SWAP70: variants seen among roughly 807,000 people sequenced by gnomAD.
SWAP70 encodes switch-associated protein 70.
In SWAP70, 34 loss-of-function variants were observed where a neutral mutation model predicts 80.2. The ratio of observed to expected loss-of-function variants is 0.42; its 90% CI spans 0.32 to 0.56. SWAP70 has a LOEUF of 0.56. Among genes scored for constraint, SWAP70 ranks in the 20% least tolerant of loss-of-function variants. The pLI, the probability that SWAP70 is intolerant of heterozygous loss-of-function variation, is 0.09. For missense variants in SWAP70, 578 were observed against 690.7 expected, an observed-to-expected ratio of 0.84 and a Z score of 1.83; for synonymous variants, 239 against 238.5, an observed-to-expected ratio of 1.00 and a Z score of -0.02.
chr11:9,674,692 C>T (rs565450706), intron 1 of SWAP70, among the ~76,000 whole-genome samples: 4 of 151,972 alleles, frequency 2.6e-5, no homozygotes, highest in African/African-American at 9.7e-5. Flanking sequence ...AGGCTGGGTG[C>T]GGTGGCTCAT....
At chr11:9,681,399 T>C (rs899377872) in intron 1 of SWAP70, among the ~76,000 whole-genome samples, 20 of 152,238 alleles carry the variant, frequency 1.3e-4, no homozygotes, top group African/African-American at 4.8e-4. Flanking sequence ...ATATGGCTAA[T>C]ATATGTTTAT....
chr11:9,693,450 C>T (rs938770769), intron 1 of SWAP70, among the ~76,000 whole-genome samples: 1 of 152,188 alleles, frequency 6.6e-6, no homozygotes, highest in African/African-American at 2.4e-5. Flanking sequence ...ATATTTTTAA[C>T]CATGTTGGCG....
chr11:9,736,784 A>G (rs1466583760), intron 7 of SWAP70, among the ~76,000 whole-genome samples: 1 of 152,186 alleles, frequency 6.6e-6, no homozygotes, highest in Non-Finnish European at 1.5e-5. Context: ...AATGCCCTGG[A>G]ACCTGAATTG....
In SWAP70 at chr11:9,740,203, A is replaced by G. The variant is rs1175281616; in HGVS notation, c.1211A>G (p.Gln404Arg). The change falls in exon 9 of 12, where the codon CAG (glutamine) becomes CGG (arginine). Residue 404 changes from glutamine (Q) to arginine (R), a missense_variant. Physicochemically the swap from Gln to Arg is conservative, Grantham distance 43. Coordinates refer to ENST00000318950, the MANE Select transcript of SWAP70 (RefSeq NM_015055.4). ...EKLIRQQMEE[Q>R]VAQKSSELEQ... The stretch of plus-strand genomic sequence containing the variant: ...CAGATCAGACAGCAGATGGAAGAAC[A>G]GGTTGCTCAAAAGTCCTCTGAACTG... 1 of 1,614,152 alleles carries G rather than the reference A, an allele frequency of 6.2e-7. No homozygotes were observed. Among genetic ancestry groups the G allele is most frequent in the Admixed American group, 1.7e-5 (1 of 60,018 alleles).
At chr11:9,699,803 C>A (rs1209483622) in intron 2 of SWAP70, among the ~76,000 whole-genome samples, 1 of 151,320 alleles carries the variant, frequency 6.6e-6, no homozygotes, top group Non-Finnish European at 1.5e-5. Context: ...TTACAGTGAG[C>A]TATGATTGTG....
chr11:9,733,828 T>C (rs1339768670), intron 7 of SWAP70, among the ~76,000 whole-genome samples: 1 of 152,204 alleles, frequency 6.6e-6, no homozygotes, highest in East Asian at 1.9e-4. Flanking sequence ...TTGGTGTCCT[T>C]TTTTATAATT....
chr11:9,747,789 T>C, intron 9 of SWAP70, 69 bp from the exon 10 acceptor site: 1 of 1,445,510 alleles, frequency 6.9e-7, no homozygotes, highest in African/African-American at 1.4e-5. Context: ...CTAAAATGCT[T>C]CCCTCGTCTG....
intron 4 of SWAP70, among the ~76,000 whole-genome samples, chr11:9,725,533 ATATATATAT>A (rs1851200961): frequency 1.1e-4 from 3 of 27,446 alleles, no homozygotes; most frequent in African/African-American, 3.4e-4. Flanking sequence ...AATACAAAAT[ATATATATAT>A]ATATATATAT....
At chr11:9,749,539 C>A (rs561699081) in intron 11 of SWAP70, among the ~76,000 whole-genome samples, 64 of 152,364 alleles carry the variant, frequency 4.2e-4, no homozygotes, top group Non-Finnish European at 3.7e-4. Flanking sequence ...AGCCACCACG[C>A]CCTGCCCATA....
chr11:9,724,592 A>G lies in SWAP70; in HGVS notation c.415-66A>G, dbSNP rs555325524. 2.2e-4 allele frequency: 272 copies of G among 1,235,108 alleles called. 2 individuals carry two copies. Among genetic ancestry groups the G allele is most frequent in the South Asian group, 1.7e-3 (115 of 67,786 alleles). The allele number at this position is 1,235,108 out of a possible 1,614,324, so 76.5% of individuals were successfully genotyped here. ...AGTTGAACTTATCAGTGTTTATAAC[A>G]TAAATACATAACTATGTTAAAGTTT... On this transcript the variant is annotated intron_variant, in intron 3 of 11. Coordinates refer to ENST00000318950, the MANE Select transcript of SWAP70 (RefSeq NM_015055.4).
intron 6 of SWAP70, among the ~76,000 whole-genome samples, chr11:9,730,228 T>C (rs10840295): frequency 0.56 from 84,128 of 151,026 alleles, 23,650 homozygotes; most frequent in Middle Eastern, 0.74. Context: ...CGGTGGCTCA[T>C]GCCTATAATC....
chr11:9,696,405 T>G (rs565141283), intron 2 of SWAP70, among the ~76,000 whole-genome samples: 1 of 152,356 alleles, frequency 6.6e-6, no homozygotes, highest in Non-Finnish European at 1.5e-5. Context: ...GAACGTTGCT[T>G]TAATTTTTTG....
chr11:9,700,664 A>G (rs186502035), intron 2 of SWAP70, among the ~76,000 whole-genome samples: 144 of 152,320 alleles, frequency 9.5e-4, no homozygotes, highest in African/African-American at 3.2e-3. Context: ...ATTTAATTTC[A>G]CCACCAGTGT....
intron 2 of SWAP70, among the ~76,000 whole-genome samples, chr11:9,711,428 G>A (rs956580800): frequency 3.3e-5 from 5 of 151,956 alleles, no homozygotes; most frequent in African/African-American, 4.8e-5. Context: ...TGTCTGTCTA[G>A]CATCTGAACT....
chr11:9,677,399 A>T (rs1850514974), intron 1 of SWAP70, among the ~76,000 whole-genome samples: 1 of 152,184 alleles, frequency 6.6e-6, no homozygotes, highest in Non-Finnish European at 1.5e-5. Flanking sequence ...AATATCTCAT[A>T]TAGACACATA....
Position 9,709,676 on chromosome 11 carries a change from A to G in SWAP70, c.241-3790A>G, listed in dbSNP as rs189764104. Among the ~76,000 whole-genome samples, 3 of 152,208 alleles carry G rather than the reference A, an allele frequency of 2.0e-5. No homozygotes were observed. In the East Asian group the frequency reaches 5.8e-4, roughly 29 times the overall value. ...CTAATTTTTAGTATTTTTGGTAGAGACAGGGTTTCACCATGTTGCTCAGGC... is the reference window on the plus strand; with the variant it reads ...CTAATTTTTAGTATTTTTGGTAGAGGCAGGGTTTCACCATGTTGCTCAGGC... On this transcript the variant is annotated intron_variant, in intron 2 of 11. Coordinates refer to ENST00000318950, the MANE Select transcript of SWAP70 (RefSeq NM_015055.4).
intron 1 of SWAP70, among the ~76,000 whole-genome samples, chr11:9,692,314 A>G (rs1322323413): frequency 2.0e-5 from 3 of 151,600 alleles, no homozygotes; most frequent in Admixed American, 2.0e-4. Flanking sequence ...AAGAAGAGCT[A>G]CAGTGAAGTC....
intron 7 of SWAP70, among the ~76,000 whole-genome samples, chr11:9,733,950 G>A (rs1367004097): frequency 6.6e-6 from 1 of 152,136 alleles, no homozygotes; most frequent in African/African-American, 2.4e-5. Context: ...ATAGATTATT[G>A]CCAATACAGG....
intron 1 of SWAP70, among the ~76,000 whole-genome samples, chr11:9,683,160 A>T (rs886269672): frequency 1.3e-5 from 2 of 152,050 alleles, no homozygotes; most frequent in African/African-American, 4.8e-5. Context: ...AGCACTTGTG[A>T]GGCTGAGGCA....
Sources: allele counts gnomAD v4.1 joint callset (sites outside exome capture counted in the v4.1 genomes callset), GRCh38; gene constraint gnomAD v4.1.1; transcripts MANE v1.5; gene names NCBI Gene and HGNC (gene_info 2026-07-23, HGNC 2026-07-21).